TAFA2: variants seen among roughly 807,000 people sequenced by gnomAD.
TAFA2 encodes TAFA chemokine like family member 2.
TAFA2 carries 7 observed loss-of-function variants against 18.8 expected under a neutral mutation model. The ratio of observed to expected loss-of-function variants is 0.37; its 90% confidence interval spans 0.21 to 0.70. TAFA2 has a LOEUF of 0.70. TAFA2 is among the 30% of genes least tolerant of loss of function. The probability of loss-of-function intolerance (pLI) is 0.53; values close to 1 mark genes in which losing one functional copy is unlikely to be tolerated. For synonymous variants in TAFA2, 60 were observed against 54.2 expected (o/e 1.11, Z -0.47); for missense variants, 122 against 158.1 (o/e 0.77, Z 1.23).
intron 1 of TAFA2, among the ~76,000 whole-genome samples, chr12:61,925,104 C>A (rs571044521): frequency 4.6e-5 from 7 of 152,252 alleles, no homozygotes; most frequent in Non-Finnish European, 8.8e-5. Flanking sequence ...TAGACACCTA[C>A]AAAGACACTT....
At chr12:61,968,256 CG>C (rs943936011) in intron 1 of TAFA2, among the ~76,000 whole-genome samples, 3 of 151,670 alleles carry the variant, frequency 2.0e-5, no homozygotes, top group Non-Finnish European at 4.4e-5. Flanking sequence ...ACCTACATAG[CG>C]TATCTTCCAT....
At chr12:61,969,103 G>GTTC (rs1879161026) in intron 1 of TAFA2, among the ~76,000 whole-genome samples, 1 of 151,694 alleles carries the variant, frequency 6.6e-6, no homozygotes, top group Admixed American at 6.6e-5. Context: ...TACGTTGTAA[G>GTTC]TTCTTCAAGT....
intron 4 of TAFA2, among the ~76,000 whole-genome samples, chr12:61,711,289 T>TGA (rs1234664078): frequency 1.3e-5 from 2 of 150,520 alleles, no homozygotes; most frequent in Admixed American, 1.3e-4. Flanking sequence ...AAAGAGATTT[T>TGA]GAGAGAGAGA....
At chr12:61,771,905 GA>G (rs1299823153) in intron 2 of TAFA2, among the ~76,000 whole-genome samples, 1 of 34,430 alleles carries the variant, frequency 2.9e-5, no homozygotes, top group Non-Finnish European at 5.2e-5. Context: ...AAATGAAATT[GA>G]AACAAAAAAA....
intron 1 of TAFA2, among the ~76,000 whole-genome samples, chr12:62,172,858 T>G (rs1345839030): frequency 6.6e-6 from 1 of 152,222 alleles, no homozygotes; most frequent in Non-Finnish European, 1.5e-5. Flanking sequence ...GCTTTGCCTT[T>G]AAATTCAAAC....
At position 61,914,522 on chromosome 12, in the gene TAFA2, G is replaced by A. The variant is rs576054220; in HGVS notation, c.-1-47096C>T. ...ACTGTAAACCTAATTAAAATGACTGGTGTTATTCCAGTTAAAGTCTCTCTT... is the reference window on the plus strand; with the variant it reads ...ACTGTAAACCTAATTAAAATGACTGATGTTATTCCAGTTAAAGTCTCTCTT... On this transcript the variant is annotated intron_variant, in intron 1 of 4. Coordinates refer to ENST00000416284, the MANE Select transcript of TAFA2 (RefSeq NM_178539.5). Among the ~76,000 whole-genome samples, 9 of 152,202 alleles carry A rather than the reference G, an allele frequency of 5.9e-5. No homozygotes were observed. The East Asian group carries it at 1.7e-3, about 29-fold the overall frequency.
At chr12:62,033,721 A>G (rs1372092392) in intron 1 of TAFA2, among the ~76,000 whole-genome samples, 1 of 152,084 alleles carries the variant, frequency 6.6e-6, no homozygotes, top group Non-Finnish European at 1.5e-5. Context: ...CAAATATGTT[A>G]TATACTCATA....
rs574507983 is a variant in TAFA2, at chr12:62,197,781, G to C, written c.-130+60982C>G. 2.1e-4 allele frequency among the ~76,000 whole-genome samples: 32 copies of C among 152,196 alleles called. No individual in the cohort carries two copies. The South Asian group carries it at 5.8e-3, about 28-fold the overall frequency. On this transcript the variant is annotated intron_variant, in intron 1 of 5. Coordinates refer to the TAFA2 transcript ENST00000551619. ...TCTGTGTTGTTGTACATAGCAATAG[G>C]TCATTCTTTTTTACTTCCAAGTAGT...
chr12:61,831,676 CTT>C, intron 2 of TAFA2, among the ~76,000 whole-genome samples: 2 of 152,158 alleles, frequency 1.3e-5, no homozygotes, highest in East Asian at 3.9e-4. Flanking sequence ...CGATTAAACT[CTT>C]TAGCTTGTTT....
At chr12:61,880,094 A>G (rs531311590) in intron 1 of TAFA2, 14 of 638,928 alleles carry the variant, frequency 2.2e-5, no homozygotes, top group Middle Eastern at 4.1e-4. Context: ...GGACATGGAC[A>G]ACATCATCAC....
In TAFA2 at chr12:61,882,413, G is replaced by A. The variant is rs192379326; in HGVS notation, c.-1-14987C>T. Among the ~76,000 whole-genome samples, 11 of 152,244 alleles carry A rather than the reference G, an allele frequency of 7.2e-5. No homozygotes were observed. In the East Asian group the frequency reaches 1.9e-3, roughly 27 times the overall value. ...TCAGCTGGTTTTCTCAGTTGATTGG[G>A]GGGAAAATAGAGTACAAAAGGATAT... On this transcript the variant is annotated intron_variant, in intron 1 of 4. Transcript: ENST00000416284.
chr12:61,747,804 G>A (rs1425500194), intron 4 of TAFA2, among the ~76,000 whole-genome samples: 12 of 150,874 alleles, frequency 8.0e-5, no homozygotes, highest in East Asian at 2.0e-4. Flanking sequence ...AGCATGGCAC[G>A]TGTATACATA....
intron 1 of TAFA2, among the ~76,000 whole-genome samples, chr12:62,024,152 G>T (rs968131528): frequency 6.6e-5 from 10 of 151,980 alleles, no homozygotes; most frequent in Admixed American, 4.6e-4. Context: ...AACAAAATCT[G>T]GTATTCAGGA....
At chr12:61,821,900 G>A (rs1406928466) in intron 2 of TAFA2, among the ~76,000 whole-genome samples, 4 of 151,974 alleles carry the variant, frequency 2.6e-5, no homozygotes, top group Non-Finnish European at 4.4e-5. Flanking sequence ...TCACCTTTGA[G>A]TTTTACAATC....
intron 1 of TAFA2, among the ~76,000 whole-genome samples, chr12:62,133,728 A>T (rs1376680305): frequency 6.6e-6 from 1 of 152,074 alleles, no homozygotes; most frequent in Non-Finnish European, 1.5e-5. Flanking sequence ...ACCTGGTTTA[A>T]TTGTTTGTCC....
intron 1 of TAFA2, among the ~76,000 whole-genome samples, chr12:62,228,478 G>A (rs1454567767): frequency 6.6e-6 from 1 of 152,120 alleles, no homozygotes; most frequent in South Asian, 2.1e-4. Context: ...TTCCACAGAG[G>A]CTAAACTAAT....
chr12:61,938,700 T>C (rs2121413977), intron 1 of TAFA2, among the ~76,000 whole-genome samples: 1 of 152,262 alleles, frequency 6.6e-6, no homozygotes. Context: ...GTGGTATGTA[T>C]ATACATCGTG....
At chr12:61,848,861 T>A (rs1204912703) in intron 2 of TAFA2, among the ~76,000 whole-genome samples, 1 of 151,240 alleles carries the variant, frequency 6.6e-6, no homozygotes. Context: ...TTTTTTTTTT[T>A]AATGGAGTCT....
chr12:62,207,309 T>A (rs535764846), intron 1 of TAFA2: 1 of 152,250 alleles, frequency 6.6e-6, no homozygotes, highest in African/African-American at 2.4e-5. Flanking sequence ...TAGGGAAAAA[T>A]ATATGGCCAC....
Sources: gnomAD v4.1 joint callset for allele counts (sites outside exome capture counted in the v4.1 genomes callset) on GRCh38, gnomAD v4.1.1 for gene constraint, MANE v1.5 for transcripts, NCBI Gene and HGNC (gene_info 2026-07-23, HGNC 2026-07-21) for gene names.